Variants in DEPDC5 observed in about 807,000 individuals in gnomAD.
The protein encoded by DEPDC5 is DEP domain containing 5, GATOR1 subcomplex subunit, also known as GATOR1 complex protein DEPDC5.
DEPDC5 carries 73 observed loss-of-function variants against 217.3 expected under a neutral mutation model. The observed-to-expected ratio is 0.34, with a 90% CI of 0.28 to 0.41. DEPDC5 has a LOEUF of 0.41. Among genes scored for constraint, DEPDC5 ranks in the 10% least tolerant of loss-of-function variants. The pLI, the probability that DEPDC5 is intolerant of heterozygous loss-of-function variation, is 1.00. For missense variants in DEPDC5, 1,675 were observed against 2,070.1 expected, an observed-to-expected ratio of 0.81 and a Z score of 3.70; for synonymous variants, 733 against 756.7, an observed-to-expected ratio of 0.97 and a Z score of 0.51.
In DEPDC5 at chr22:31,855,416, G is replaced by A. The variant is rs141724833; in HGVS notation, c.3156-2029G>A. On this transcript the variant is annotated intron_variant, in intron 31 of 42. Transcript: ENST00000651528. ...TTTTGCGACGGAGTCTCGCTCTGTCGCCCAGGCTGGAGTGCAGTGGCGCGA... is the reference window on the plus strand; with the variant it reads ...TTTTGCGACGGAGTCTCGCTCTGTCACCCAGGCTGGAGTGCAGTGGCGCGA... Among the ~76,000 whole-genome samples, 73 of 146,628 alleles carry A rather than the reference G, an allele frequency of 5.0e-4. No homozygotes were observed. In the East Asian group the frequency reaches 0.012, roughly 24 times the overall value.
intron 31 of DEPDC5, among the ~76,000 whole-genome samples, chr22:31,849,749 C>G (rs757102888): frequency 1.3e-5 from 2 of 151,488 alleles, no homozygotes; most frequent in Non-Finnish European, 2.9e-5. Context: ...CCACTGCACT[C>G]CAGCCTGGGT....
chr22:31,883,142 G>A (rs1398270908), intron 38 of DEPDC5, among the ~76,000 whole-genome samples: 1 of 152,164 alleles, frequency 6.6e-6, no homozygotes, highest in Admixed American at 6.6e-5. Flanking sequence ...CCCACCCAGT[G>A]TGATAAAATG....
intron 40 of DEPDC5, among the ~76,000 whole-genome samples, chr22:31,899,924 T>C (rs1208365138): frequency 6.6e-6 from 1 of 152,178 alleles, no homozygotes; most frequent in East Asian, 1.9e-4. Flanking sequence ...CCACTCTTGG[T>C]TCTCAGCAAC....
intron 26 of DEPDC5, 40 bp from the exon 27 acceptor site, chr22:31,838,645 G>T (rs768299389): frequency 6.2e-7 from 1 of 1,606,244 alleles, no homozygotes; most frequent in Non-Finnish European, 8.5e-7. Flanking sequence ...TCACTGTCTC[G>T]GGCCAAGCAT....
chr22:31,775,229 G>T (rs1310094686), intron 7 of DEPDC5, among the ~76,000 whole-genome samples: 20 of 151,748 alleles, frequency 1.3e-4, no homozygotes. Flanking sequence ...GCCCAGGCTG[G>T]AGTGCAATGG....
intron 22 of DEPDC5, among the ~76,000 whole-genome samples, chr22:31,820,801 T>C (rs904473266): frequency 6.6e-6 from 1 of 152,250 alleles, no homozygotes; most frequent in Non-Finnish European, 1.5e-5. Flanking sequence ...CCTGTTTAGC[T>C]GGCCTTTCAG....
chr22:31,779,590 T>C (rs541473717), intron 8 of DEPDC5, among the ~76,000 whole-genome samples: 21 of 152,322 alleles, frequency 1.4e-4, no homozygotes, highest in African/African-American at 5.1e-4. Context: ...TTAGAATCCA[T>C]TGATGGGTTT....
chr22:31,797,014 A>G (rs1321055198), intron 12 of DEPDC5, among the ~76,000 whole-genome samples: 4 of 142,278 alleles, frequency 2.8e-5, no homozygotes, highest in Non-Finnish European at 6.1e-5. Context: ...TTTTTTTTTA[A>G]TGCTTCTTTC....
chr22:31,773,652 GAA>G (rs1177262028), intron 7 of DEPDC5, among the ~76,000 whole-genome samples: 1 of 152,178 alleles, frequency 6.6e-6, no homozygotes, highest in African/African-American at 2.4e-5. Flanking sequence ...GAATGCCTGA[GAA>G]AAAAGATGCT....
At chr22:31,828,024 A>G (rs2090286870) in intron 24 of DEPDC5, among the ~76,000 whole-genome samples, 1 of 151,886 alleles carries the variant, frequency 6.6e-6, no homozygotes, top group African/African-American at 2.4e-5. Flanking sequence ...CTCCCCTCCT[A>G]TCCTCTCTAC....
At chr22:31,836,416 C>T (rs1484024895) in intron 25 of DEPDC5, among the ~76,000 whole-genome samples, 2 of 152,260 alleles carry the variant, frequency 1.3e-5, no homozygotes, top group Non-Finnish European at 2.9e-5. Flanking sequence ...AAAACTCTGT[C>T]TCTTAAAGTT....
At chr22:31,765,360 G>C (rs2148109414) in intron 5 of DEPDC5, among the ~76,000 whole-genome samples, 1 of 152,176 alleles carries the variant, frequency 6.6e-6, no homozygotes, top group South Asian at 2.1e-4. Flanking sequence ...CGTGATCTCG[G>C]CTCACTGCAA....
Position 31,810,770 on chromosome 22 carries a change from T to C in DEPDC5, c.1445+129T>C, listed in dbSNP as rs996850290. 19 of 1,446,378 alleles carry C rather than the reference T, an allele frequency of 1.3e-5. No homozygotes were observed. The African/African-American group carries it at 2.0e-4, about 15-fold the overall frequency. 89.6% of individuals were successfully genotyped at this position (1,446,378 alleles called of 1,614,324 possible). On this transcript the variant is annotated intron_variant, in intron 20 of 42. Coordinates refer to ENST00000651528, the MANE Select transcript of DEPDC5 (RefSeq NM_001242896.3). ...TTTGTTTTGTTTCGTTTTGGTTTTT[T>C]GTTTGTTTTGTTTTGTTTTTTTGAG...
rs756433759 is a variant in DEPDC5, at chr22:31,784,806, C to G, written c.563-8C>G. The G allele has an allele frequency of 1.9e-6, 3 of 1,610,346 alleles. No homozygotes were observed. The highest frequency in any genetic ancestry group is 2.5e-6 in the Non-Finnish European group (3 of 1,178,594). On this transcript the variant is annotated splice_region_variant and splice_polypyrimidine_tract_variant and intron_variant, in intron 9 of 42. Transcript: ENST00000651528. ...TGTTCTCATCCTTTTTTCATTGTTT[C>G]TTTTCAGGGGATTTGTATTTTGAGA...
At chr22:31,895,104 A>G (rs1412325350) in intron 39 of DEPDC5, among the ~76,000 whole-genome samples, 1 of 146,708 alleles carries the variant, frequency 6.8e-6, no homozygotes, top group Non-Finnish European at 1.5e-5. Flanking sequence ...AGATCGCGCC[A>G]TTGCACTCCA....
At chr22:31,839,909 T>A (rs751692656) in intron 27 of DEPDC5, among the ~76,000 whole-genome samples, 2 of 152,046 alleles carry the variant, frequency 1.3e-5, no homozygotes, top group African/African-American at 2.4e-5. Flanking sequence ...GGCAGGAGGA[T>A]CCCTTGAGCC....
chr22:31,782,246 T>C (rs1354296430), intron 8 of DEPDC5, among the ~76,000 whole-genome samples: 2 of 151,854 alleles, frequency 1.3e-5, no homozygotes, highest in Admixed American at 1.3e-4. Context: ...CAAGCGATTG[T>C]CCTGCCTCAG....
At position 31,798,668 on chromosome 22, in the gene DEPDC5, T is replaced by C. The variant is rs372501483; in HGVS notation, c.946+12T>C. 10 of 1,608,960 alleles carry C rather than the reference T, an allele frequency of 6.2e-6. No individual in the cohort carries two copies. The highest frequency in any genetic ancestry group is 8.5e-6 in the Non-Finnish European group (10 of 1,177,130). On this transcript the variant is annotated intron_variant, in intron 14 of 42. Coordinates refer to ENST00000651528, the MANE Select transcript of DEPDC5 (RefSeq NM_001242896.3). ...TCTGTCATTCAATGGTGAGTAAGGA[T>C]GCCGGCCATGAGCCAGCATCTTGCC...
At chr22:31,826,079 T>C (rs1028955509) in intron 24 of DEPDC5, among the ~76,000 whole-genome samples, 1 of 152,048 alleles carries the variant, frequency 6.6e-6, no homozygotes, top group Non-Finnish European at 1.5e-5. Flanking sequence ...CGATCTCAGC[T>C]CTCTGCAACC....
Sources: allele counts gnomAD v4.1 joint callset (sites outside exome capture counted in the v4.1 genomes callset), GRCh38; gene constraint gnomAD v4.1.1; transcripts MANE v1.5; gene names NCBI Gene and HGNC (gene_info 2026-07-23, HGNC 2026-07-21).